RNF168: variants seen among roughly 807,000 people sequenced by gnomAD.
RNF168 encodes ring finger protein 168, also known as E3 ubiquitin-protein ligase RNF168.
RNF168 carries 34 observed loss-of-function variants against 34.9 expected under a neutral mutation model. The observed-to-expected ratio is 0.97, with a 90% CI of 0.74 to 1.30. The LOEUF is 1.30. Among genes scored for constraint, RNF168 ranks in the 50% most tolerant of loss-of-function variants. RNF168 has a pLI of 0.00. For synonymous variants in RNF168, 264 were observed against 254.7 expected (o/e 1.04, Z -0.35); for missense variants, 725 against 682.5 (o/e 1.06, Z -0.69).
At position 196,502,914 on chromosome 3, in the gene RNF168, T is replaced by A. The variant is rs775033461; in HGVS notation, c.260A>T (p.Glu87Val). 1 of 1,614,112 alleles carries A rather than the reference T, an allele frequency of 6.2e-7. No individual in the cohort carries two copies. Among genetic ancestry groups the A allele is most frequent in the African/African-American group, 1.3e-5 (1 of 75,040 alleles). ...WTIIQKHYPR[E>V]CKLRASGQES... ...TTGGCCAGACGCTCTAAGCTTGCAC[T>A]CCCTGGGATAGTGTTTTTGAATTAT... Residue 87 changes from glutamate to valine, a missense_variant, in exon 1 of 6, where the codon GAG (glutamate) becomes GTG (valine). Coordinates refer to ENST00000318037, the MANE Select transcript of RNF168 (RefSeq NM_152617.4).
chr3:196,476,020 C>G (rs1341772049), intron 4 of RNF168, among the ~76,000 whole-genome samples: 1 of 151,604 alleles, frequency 6.6e-6, no homozygotes, highest in African/African-American at 2.4e-5. Context: ...CCACCACGCC[C>G]GGCTAATTTT....
chr3:196,489,388 G>A (rs1010663261), intron 1 of RNF168, among the ~76,000 whole-genome samples: 1 of 151,264 alleles, frequency 6.6e-6, no homozygotes, highest in East Asian at 2.0e-4. Flanking sequence ...GTGCAGTGGT[G>A]CAATCTCAGC....
chr3:196,494,350 A>T (rs1732685795), intron 1 of RNF168, among the ~76,000 whole-genome samples: 1 of 152,216 alleles, frequency 6.6e-6, no homozygotes, highest in African/African-American at 2.4e-5. Flanking sequence ...TCTTCGCAGC[A>T]AGTGGTCTTC....
At position 196,494,082 on chromosome 3, in the gene RNF168, C is replaced by CA. The variant is rs1361815138; in HGVS notation, c.302-5400dup. 2.9e-5 allele frequency among the ~76,000 whole-genome samples: 4 copies of CA among 135,622 alleles called. No individual in the cohort carries two copies. The Admixed American group carries it at 3.1e-4, about 10-fold the overall frequency. The allele number at this position is 135,622 out of a possible 152,430, so 89.0% of individuals were successfully genotyped here. The stretch of plus-strand genomic sequence containing the variant: ...CAGGCTGGTCTCACACTCTCAGGCT[C>CA]AAGCGATTTGCCTGCCTTGAACTCT... On this transcript the variant is annotated intron_variant, in intron 1 of 5. Transcript: ENST00000318037.
intron 5 of RNF168, among the ~76,000 whole-genome samples, chr3:196,473,249 T>C (rs533027632): frequency 3.9e-5 from 6 of 152,302 alleles, no homozygotes; most frequent in African/African-American, 1.4e-4. Flanking sequence ...GACCCTCCTT[T>C]TGGCATTTAG....
intron 1 of RNF168, among the ~76,000 whole-genome samples, chr3:196,490,673 T>C (rs982825232): frequency 6.6e-6 from 1 of 151,662 alleles, no homozygotes; most frequent in Non-Finnish European, 1.5e-5. Flanking sequence ...AATAGTGGCA[T>C]TGGATGGGTC....
chr3:196,474,797 G>A (rs906447758), intron 5 of RNF168: 1 of 197,648 alleles, frequency 5.1e-6, no homozygotes, highest in Non-Finnish European at 1.1e-5. Flanking sequence ...AACCTATTCA[G>A]TTTTGTGAGT....
rs1175648878 is a variant in RNF168, at chr3:196,475,544, TA to T, written c.681-233del. On this transcript the variant is annotated intron_variant, in intron 4 of 5. Transcript: ENST00000318037. Reference sequence around the variant, plus strand: ...AAAGGAAGTAAAAGTCAAATCTAAATATTTTTTCTTTTTTTTTTTTTTTTGA... The same window carrying T: ...AAAGGAAGTAAAAGTCAAATCTAAATTTTTTTCTTTTTTTTTTTTTTTTGA... 22 of 440,120 alleles carry T rather than the reference TA, an allele frequency of 5.0e-5. No individual in the cohort carries two copies. In the African/African-American group the frequency reaches 5.5e-4, roughly 11 times the overall value. The allele number at this position is 440,120 out of a possible 1,614,324, so 27.3% of individuals were successfully genotyped here.
rs1392166835 is a variant in RNF168 at position 196,472,230 on chromosome 3, T to G, written c.1305A>C (p.Leu435=). ...CTTCTTGTTTATGTCTCTCAAACAGTAGATGCTCCAAATCTATCAGTTTTT... is the reference window on the plus strand; with the variant it reads ...CTTCTTGTTTATGTCTCTCAAACAGGAGATGCTCCAAATCTATCAGTTTTT... ...FTQKLIDLEH[L]LFERHKQEEQ... is the part of the protein sequence containing the mutation. The change falls in exon 6 of 6, where the codon CTA becomes CTC. Residue 435 remains leucine, a synonymous_variant. Coordinates refer to ENST00000318037, the MANE Select transcript of RNF168 (RefSeq NM_152617.4). 1.2e-6 allele frequency: 2 copies of G among 1,614,100 alleles called. No individual in the cohort carries two copies. The highest frequency in any genetic ancestry group is 1.7e-6 in the Non-Finnish European group (2 of 1,179,942).
intron 1 of RNF168, among the ~76,000 whole-genome samples, chr3:196,502,063 A>G (rs868707771): frequency 5.1e-5 from 7 of 137,822 alleles, no homozygotes; most frequent in African/African-American, 1.9e-4. Context: ...AGAAAAAAAA[A>G]AAAAAAAAAA....
At chr3:196,487,071 A>C (rs185102549) in intron 3 of RNF168, among the ~76,000 whole-genome samples, 2 of 152,324 alleles carry the variant, frequency 1.3e-5, no homozygotes, top group African/African-American at 2.4e-5. Context: ...AAAAAACCCC[A>C]AAAACCTGGA....
At chr3:196,482,007 C>T (rs1242632494) in intron 4 of RNF168, among the ~76,000 whole-genome samples, 11 of 145,852 alleles carry the variant, frequency 7.5e-5, no homozygotes, top group Non-Finnish European at 1.5e-4. Flanking sequence ...GCTATGCTGT[C>T]CAAGCTGGTC....
rs755626777 is a variant in RNF168 at position 196,483,806 on chromosome 3, C to T, written c.644G>A (p.Ser215Asn). Residue 215 changes from serine to asparagine, a missense_variant, in exon 4 of 6, where the codon AGT (serine) becomes AAT (asparagine). Coordinates refer to ENST00000318037, the MANE Select transcript of RNF168 (RefSeq NM_152617.4). The stretch of plus-strand genomic sequence containing the variant: ...TCCAGTGTTTCTTTGTTTGTTCTTA[C>T]TTTTCTTTTCAGACTTGGGTGTAAC... Reference protein sequence around the residue: ...DPVTPKSEKKSKNKQRNTGDI... With the variant: ...DPVTPKSEKKNKNKQRNTGDI... The T allele has an allele frequency of 1.9e-6, 3 of 1,610,422 alleles. No individual in the cohort carries two copies. Among genetic ancestry groups the T allele is most frequent in the Middle Eastern group, 1.7e-4 (1 of 6,060 alleles).
At chr3:196,480,546 G>C (rs1317759956) in intron 4 of RNF168, among the ~76,000 whole-genome samples, 1 of 152,244 alleles carries the variant, frequency 6.6e-6, no homozygotes, top group Admixed American at 6.5e-5. Flanking sequence ...TGACTCTATA[G>C]ATCAGTCTGA....
At chr3:196,479,259 C>T (rs974752183) in intron 4 of RNF168, among the ~76,000 whole-genome samples, 17 of 150,324 alleles carry the variant, frequency 1.1e-4, no homozygotes, top group Non-Finnish European at 2.2e-4. Context: ...GTGATCCACC[C>T]GCCTCGGCCT....
At chr3:196,488,940 C>A (rs945126984) in intron 1 of RNF168, among the ~76,000 whole-genome samples, 19 of 151,988 alleles carry the variant, frequency 1.3e-4, no homozygotes, top group African/African-American at 4.6e-4. Flanking sequence ...CAACCTCCAC[C>A]TCCCAGGTTC....
chr3:196,502,054 GAAAAAAAAAAAA>G (rs554041803), intron 1 of RNF168, among the ~76,000 whole-genome samples: 802 of 50,104 alleles, frequency 0.016, 13 homozygotes, highest in African/African-American at 0.051. Flanking sequence ...AAAAAAATTA[GAAAAAAAAAAAA>G]AAAAAAAAAA....
chr3:196,489,042 G>C (rs1411632351), intron 1 of RNF168, among the ~76,000 whole-genome samples: 1 of 151,972 alleles, frequency 6.6e-6, no homozygotes, highest in Non-Finnish European at 1.5e-5. Flanking sequence ...TTTTGGTAGA[G>C]TCAGGGTTTC....
rs1560279211 is a variant in RNF168, at chr3:196,502,877, T to C, written c.297A>G (p.Glu99=). 5 of 1,613,622 alleles carry C rather than the reference T, an allele frequency of 3.1e-6. No individual in the cohort carries two copies. In the South Asian group the frequency reaches 3.3e-5, roughly 11 times the overall value. The change falls in exon 1 of 6, where the codon GAA becomes GAG. Residue 99 remains glutamate (E), a synonymous_variant. Coordinates refer to ENST00000318037, the MANE Select transcript of RNF168 (RefSeq NM_152617.4). The stretch of plus-strand genomic sequence containing the variant: ...AACACGCCATGGTTTACTCACCCAC[T>C]TCCTCTGATTCTTGGCCAGACGCTC... ...KLRASGQESE[E]VADDYQPVRL... is the part of the protein sequence containing the mutation.
Sources: allele counts gnomAD v4.1 joint callset (sites outside exome capture counted in the v4.1 genomes callset), GRCh38; gene constraint gnomAD v4.1.1; transcripts MANE v1.5; gene names NCBI Gene and HGNC (gene_info 2026-07-23, HGNC 2026-07-21).